Variants in CNTNAP2 observed in about 807,000 individuals in gnomAD.
CNTNAP2 encodes the protein contactin associated protein 2.
A neutral mutation model predicts 155.2 loss-of-function variants in CNTNAP2; 98 were observed. That is an observed-to-expected ratio of 0.63 (90% CI 0.54 to 0.75). The LOEUF (loss-of-function observed/expected upper bound fraction) is 0.75, where lower values mean the gene tolerates loss of function less well. Ranked by LOEUF, CNTNAP2 falls within the 30% of genes least tolerant of loss-of-function variation. The pLI, the probability that CNTNAP2 is intolerant of heterozygous loss-of-function variation, is 0.00. For synonymous variants in CNTNAP2, 651 were observed against 631.2 expected (o/e 1.03, Z -0.47); for missense variants, 1,727 against 1,688.1 (o/e 1.02, Z -0.40).
chr7:147,952,535 T>A (rs1340292216), intron 14 of CNTNAP2, among the ~76,000 whole-genome samples: 1 of 152,098 alleles, frequency 6.6e-6, no homozygotes, highest in Non-Finnish European at 1.5e-5. Context: ...CATATTTCTT[T>A]AAGTAATTAA....
At chr7:146,293,102 A>G in intron 1 of CNTNAP2, among the ~76,000 whole-genome samples, 1 of 152,136 alleles carries the variant, frequency 6.6e-6, no homozygotes. Context: ...AGTTTGTGTC[A>G]CATAAATATA....
chr7:146,458,873 C>G (rs1264843873), intron 1 of CNTNAP2, among the ~76,000 whole-genome samples: 3 of 152,104 alleles, frequency 2.0e-5, no homozygotes, highest in Non-Finnish European at 4.4e-5. Context: ...GGACTTGCCA[C>G]CCTCGATGAT....
intron 1 of CNTNAP2, among the ~76,000 whole-genome samples, chr7:146,389,083 C>G (rs1479226030): frequency 3.3e-5 from 5 of 152,198 alleles, no homozygotes; most frequent in Non-Finnish European, 5.9e-5. Context: ...TAAGTTTACT[C>G]ATCCTATCTG....
At chr7:146,742,184 TTTTG>T (rs1347399147) in intron 1 of CNTNAP2, among the ~76,000 whole-genome samples, 1 of 152,216 alleles carries the variant, frequency 6.6e-6, no homozygotes, top group Non-Finnish European at 1.5e-5. Context: ...TTTTGCAGTC[TTTTG>T]TTTATTTTAT....
At chr7:146,451,668 C>G (rs1213134947) in intron 1 of CNTNAP2, among the ~76,000 whole-genome samples, 1 of 151,864 alleles carries the variant, frequency 6.6e-6, no homozygotes, top group African/African-American at 2.4e-5. Flanking sequence ...CTAGAATGAG[C>G]TTTCTATACC....
intron 3 of CNTNAP2, among the ~76,000 whole-genome samples, chr7:147,003,754 T>C (rs1224416395): frequency 2.0e-5 from 3 of 152,050 alleles, no homozygotes; most frequent in African/African-American, 7.2e-5. Context: ...TTGGGTGCAG[T>C]GGCTCATGTC....
At position 148,191,251 on chromosome 7, in the gene CNTNAP2, T is replaced by G. The variant is rs541659109; in HGVS notation, c.3010+18773T>G. Among the ~76,000 whole-genome samples the G allele has an allele frequency of 3.9e-5, 6 of 152,042 alleles. No individual in the cohort carries two copies. The South Asian group carries it at 1.2e-3, about 32-fold the overall frequency. The stretch of plus-strand genomic sequence containing the variant: ...ACAAGTCTGGTCCCCTTTTGTGCAC[T>G]CTTGCTCTCTCTCTCTCTCTCTCCC... On this transcript the variant is annotated intron_variant, in intron 18 of 23. Transcript: ENST00000361727.
rs540552514 is a variant in CNTNAP2 at position 148,168,479 on chromosome 7, G to A, written c.2774-3763G>A. Among the ~76,000 whole-genome samples the A allele has an allele frequency of 1.4e-4, 21 of 148,216 alleles. No homozygotes were observed. The South Asian group carries it at 1.9e-3, about 14-fold the overall frequency. On this transcript the variant is annotated intron_variant, in intron 17 of 23. Coordinates refer to ENST00000361727, the MANE Select transcript of CNTNAP2 (RefSeq NM_014141.6). ...TTGCAAGGACGAAAAACCAAACACCGCATGTTCTCACTCATAGGTGGGAAT... is the reference window on the plus strand; with the variant it reads ...TTGCAAGGACGAAAAACCAAACACCACATGTTCTCACTCATAGGTGGGAAT...
chr7:146,691,652 T>G (rs1186269177), intron 1 of CNTNAP2, among the ~76,000 whole-genome samples: 1 of 152,128 alleles, frequency 6.6e-6, no homozygotes, highest in Non-Finnish European at 1.5e-5. Flanking sequence ...TTTAACAAAA[T>G]GGCAGAGGAT....
intron 1 of CNTNAP2, among the ~76,000 whole-genome samples, chr7:146,653,130 T>G (rs1204873857): frequency 1.3e-5 from 2 of 152,118 alleles, no homozygotes; most frequent in Non-Finnish European, 2.9e-5. Context: ...CTCACGTTCT[T>G]TTCTTTCTCA....
At chr7:146,932,788 C>G (rs1385055333) in intron 3 of CNTNAP2, among the ~76,000 whole-genome samples, 4 of 151,894 alleles carry the variant, frequency 2.6e-5, no homozygotes, top group African/African-American at 9.7e-5. Flanking sequence ...TCTTATACAC[C>G]AATAACAGAC....
chr7:148,101,298 AAAAC>A (rs36128383), intron 15 of CNTNAP2, among the ~76,000 whole-genome samples: 16,712 of 151,606 alleles, frequency 0.11, 2,217 homozygotes, highest in African/African-American at 0.32. Flanking sequence ...ATAAAATTAA[AAAAC>A]AAACAAACAA....
intron 12 of CNTNAP2, among the ~76,000 whole-genome samples, chr7:147,612,401 CT>C (rs565607932): frequency 1.3e-3 from 177 of 132,990 alleles, no homozygotes; most frequent in Middle Eastern, 8.2e-3. Flanking sequence ...AATTTTCTTT[CT>C]TTTTTTTTTT....
rs140465208 is a variant in CNTNAP2, at chr7:147,434,938, G to T, written c.1670+39158G>T. On this transcript the variant is annotated intron_variant, in intron 10 of 23. Transcript: ENST00000361727. The stretch of plus-strand genomic sequence containing the variant: ...ACACATCATCTTTTGTCTTTCCTGT[G>T]GTTCAGGTATTTGTGTGTGAGGGTT... 3.0e-3 allele frequency among the ~76,000 whole-genome samples: 463 copies of T among 152,238 alleles called. 5 individuals are homozygous for T. The highest frequency in any genetic ancestry group is 0.011 in the African/African-American group (446 of 41,550).
intron 23 of CNTNAP2, among the ~76,000 whole-genome samples, chr7:148,413,400 AAATATAT>A (rs1361705502): frequency 1.5e-5 from 1 of 66,228 alleles, no homozygotes; most frequent in African/African-American, 8.7e-5. Flanking sequence ...CTCAAAAAAA[AAATATAT>A]ATATATATAT....
chr7:146,926,679 TA>T (rs1245007075), intron 3 of CNTNAP2, among the ~76,000 whole-genome samples: 1 of 152,132 alleles, frequency 6.6e-6, no homozygotes, highest in African/African-American at 2.4e-5. Flanking sequence ...TCAAAATATT[TA>T]AGTGACTTTT....
intron 13 of CNTNAP2, among the ~76,000 whole-genome samples, chr7:147,771,936 G>A (rs1460066764): frequency 6.6e-6 from 1 of 151,844 alleles, no homozygotes; most frequent in African/African-American, 2.4e-5. Flanking sequence ...CAATTTCTTT[G>A]TTCAGGTTGT....
intron 1 of CNTNAP2, among the ~76,000 whole-genome samples, chr7:146,596,463 T>C (rs1044795221): frequency 1.3e-5 from 2 of 151,912 alleles, no homozygotes; most frequent in East Asian, 3.9e-4. Context: ...TATGAGCTGA[T>C]GAGGCTAAGC....
chr7:147,729,302 G>C (rs1796696459), intron 13 of CNTNAP2, among the ~76,000 whole-genome samples: 1 of 151,766 alleles, frequency 6.6e-6, no homozygotes, highest in Admixed American at 6.6e-5. Context: ...CATTTATTGA[G>C]CACCTACTAT....
Sources: gnomAD v4.1 joint callset for allele counts (sites outside exome capture counted in the v4.1 genomes callset) on GRCh38, gnomAD v4.1.1 for gene constraint, MANE v1.5 for transcripts, NCBI Gene and HGNC (gene_info 2026-07-23, HGNC 2026-07-21) for gene names.